FGL1: variants seen among roughly 807,000 people sequenced by gnomAD.
The protein encoded by FGL1 is fibrinogen like 1, also known as fibrinogen-like protein 1.
FGL1 carries 59 observed loss-of-function variants against 43.7 expected under a neutral mutation model. That is an observed-to-expected ratio of 1.35 (90% CI 1.10 to 1.68). FGL1 has a LOEUF of 1.68. Among genes scored for constraint, FGL1 ranks in the 40% most tolerant of loss-of-function variants. The pLI, the probability that FGL1 is intolerant of heterozygous loss-of-function variation, is 0.00. For synonymous variants in FGL1, 192 were observed against 126.5 expected, an observed-to-expected ratio of 1.52 and a Z score of -3.48; for missense variants, 596 against 373.0, an observed-to-expected ratio of 1.60 and a Z score of -4.92.
chr8:17,886,096 C>T (rs1011531103), intron 1 of FGL1, among the ~76,000 whole-genome samples: 1 of 152,162 alleles, frequency 6.6e-6, no homozygotes, highest in Non-Finnish European at 1.5e-5. Context: ...ATTTTGGTAT[C>T]CCTAGCATTT....
intron 1 of FGL1, among the ~76,000 whole-genome samples, chr8:17,888,342 A>G (rs991064106): frequency 3.3e-5 from 5 of 152,170 alleles, no homozygotes; most frequent in African/African-American, 1.2e-4. Context: ...TAAGCTTGGA[A>G]TTATTTAAGG....
At chr8:17,885,470 A>G (rs1325744385) in intron 2 of FGL1, 22 bp downstream of exon 2, 1 of 1,574,222 alleles carries the variant, frequency 6.4e-7, no homozygotes, top group Non-Finnish European at 8.7e-7. Flanking sequence ...AAATATGACA[A>G]TAGTTTTCCC....
At chr8:17,879,859 G>GC (rs1193245104) in intron 3 of FGL1, among the ~76,000 whole-genome samples, 1 of 152,070 alleles carries the variant, frequency 6.6e-6, no homozygotes, top group African/African-American at 2.4e-5. Context: ...CTGATTAGCT[G>GC]CCCCCTGCCA....
intron 5 of FGL1, among the ~76,000 whole-genome samples, chr8:17,872,534 C>T (rs1209016853): frequency 6.6e-6 from 1 of 151,990 alleles, no homozygotes; most frequent in East Asian, 1.9e-4. Context: ...AAATCCTGGC[C>T]CCAAGGGGTC....
At chr8:17,875,294 A>T (rs1036992709) in intron 3 of FGL1, among the ~76,000 whole-genome samples, 1 of 152,068 alleles carries the variant, frequency 6.6e-6, no homozygotes, top group African/African-American at 2.4e-5. Context: ...AAATCTTATA[A>T]TCTCTTAGCC....
chr8:17,892,341 AC>A (rs1318380719), intron 1 of FGL1, among the ~76,000 whole-genome samples: 1 of 152,184 alleles, frequency 6.6e-6, no homozygotes, highest in African/African-American at 2.4e-5. Context: ...AAGATGGAAA[AC>A]AAAATATTTA....
At chr8:17,865,234 T>A (rs1345995511) in intron 7 of FGL1, among the ~76,000 whole-genome samples, 1 of 152,180 alleles carries the variant, frequency 6.6e-6, no homozygotes, top group Non-Finnish European at 1.5e-5. Flanking sequence ...CAAAAACGCA[T>A]CCTTGTAACC....
At chr8:17,877,803 T>C (rs1037496663) in intron 3 of FGL1, among the ~76,000 whole-genome samples, 2 of 152,176 alleles carry the variant, frequency 1.3e-5, no homozygotes, top group African/African-American at 4.8e-5. Flanking sequence ...TATTTTTAAA[T>C]GTGCAATTAA....
intron 2 of FGL1, chr8:17,882,690 T>G (rs1444806126): frequency 4.8e-5 from 6 of 124,452 alleles, no homozygotes; most frequent in Non-Finnish European, 9.6e-5. Context: ...TTTAAATATG[T>G]ATATTTAATG....
intron 1 of FGL1, among the ~76,000 whole-genome samples, chr8:17,892,854 T>C (rs1031118994): frequency 7.9e-5 from 12 of 152,360 alleles, no homozygotes; most frequent in African/African-American, 2.9e-4. Flanking sequence ...AGTTTTCTTA[T>C]GCATTTGTGG....
chr8:17,884,617 C>T (rs779187883), intron 2 of FGL1, among the ~76,000 whole-genome samples: 1 of 152,142 alleles, frequency 6.6e-6, no homozygotes, highest in Non-Finnish European at 1.5e-5. Context: ...ACAGCAAGAA[C>T]ATTTTATGGT....
intron 3 of FGL1, among the ~76,000 whole-genome samples, chr8:17,878,997 C>A (rs1420590039): frequency 2.0e-5 from 3 of 148,902 alleles, no homozygotes; most frequent in Non-Finnish European, 4.4e-5. Flanking sequence ...TACTATCTCC[C>A]TATATGCTAA....
chr8:17,882,501 C>G (rs1017210470), intron 2 of FGL1: 1 of 184,092 alleles, frequency 5.4e-6, no homozygotes, highest in Admixed American at 6.0e-5. Context: ...GTCTTGATGC[C>G]CAGTGGGTAA....
intron 5 of FGL1, among the ~76,000 whole-genome samples, chr8:17,869,616 C>G (rs1206285958): frequency 6.6e-6 from 1 of 152,174 alleles, no homozygotes; most frequent in African/African-American, 2.4e-5. Flanking sequence ...GATCAAGAGA[C>G]TCTTAGCATC....
At chr8:17,894,664 T>C (rs2053750299) in intron 1 of FGL1, among the ~76,000 whole-genome samples, 1 of 146,588 alleles carries the variant, frequency 6.8e-6, no homozygotes, top group Non-Finnish European at 1.5e-5. Flanking sequence ...AAGGAAATTA[T>C]ACAAAGTGAG....
Position 17,895,265 on chromosome 8 carries a change from T to C in FGL1, c.-18+182A>G, listed in dbSNP as rs562690974. The C allele has an allele frequency of 2.2e-5, 22 of 1,011,562 alleles. No individual in the cohort carries two copies. The African/African-American group carries it at 3.7e-4, about 17-fold the overall frequency. 62.7% of individuals were successfully genotyped at this position (1,011,562 alleles called of 1,614,324 possible). On this transcript the variant is annotated intron_variant, in intron 1 of 7. Coordinates refer to ENST00000427924, the MANE Select transcript of FGL1 (RefSeq NM_004467.4). ...GTATATTTGTATATCTGTATATCTG[T>C]AACAAAAGATACATAATTCTAAATC...
intron 2 of FGL1, among the ~76,000 whole-genome samples, chr8:17,883,476 AAAT>A (rs962591691): frequency 2.3e-4 from 29 of 127,522 alleles, no homozygotes; most frequent in African/African-American, 9.0e-4. Context: ...ATATAAATAT[AAAT>A]AATATATAAT....
At chr8:17,876,084 C>G (rs2053451754) in intron 3 of FGL1, among the ~76,000 whole-genome samples, 1 of 152,162 alleles carries the variant, frequency 6.6e-6, no homozygotes, top group Non-Finnish European at 1.5e-5. Context: ...TATAAACAAT[C>G]TCAAGAAGAG....
At chr8:17,884,721 C>G (rs1265716464) in intron 2 of FGL1, among the ~76,000 whole-genome samples, 2 of 152,132 alleles carry the variant, frequency 1.3e-5, no homozygotes, top group African/African-American at 4.8e-5. Flanking sequence ...TTGAAGACAT[C>G]ACAGGTCAAG....
Sources: allele counts gnomAD v4.1 joint callset (sites outside exome capture counted in the v4.1 genomes callset), GRCh38; gene constraint gnomAD v4.1.1; transcripts MANE v1.5; gene names NCBI Gene and HGNC (gene_info 2026-07-23, HGNC 2026-07-21).